The following ITPKB variants were observed in gnomAD, a reference collection of about 807,000 sequenced individuals.
The protein encoded by ITPKB is IP3 3-kinase B.
ITPKB carries 13 observed loss-of-function variants against 69.4 expected under a neutral mutation model. The ratio of observed to expected loss-of-function variants is 0.19; its 90% confidence interval spans 0.12 to 0.30. ITPKB has a LOEUF of 0.30. Ranked by LOEUF, ITPKB falls within the 10% of genes least tolerant of loss-of-function variation. The pLI, the probability that ITPKB is intolerant of heterozygous loss-of-function variation, is 1.00. For missense variants in ITPKB, 1,240 were observed against 1,250.5 expected, an observed-to-expected ratio of 0.99 and a Z score of 0.13; for synonymous variants, 584 against 513.7, an observed-to-expected ratio of 1.14 and a Z score of -1.85.
rs893126727 is a variant in ITPKB at position 226,682,155 on chromosome 1, T to G, written c.1933-33384A>C. 1.2e-4 allele frequency among the ~76,000 whole-genome samples: 19 copies of G among 152,148 alleles called. 1 individual carries two copies. Among genetic ancestry groups the G allele is most frequent in the Admixed American group, 8.5e-4 (13 of 15,282 alleles). On this transcript the variant is annotated intron_variant, in intron 2 of 7. Transcript: ENST00000429204. ...TCACCTGGGAGTTTTACAACCATTG[T>G]TGCCTGGGTCCCCCCCCGCCCCGAG...
At chr1:226,700,622 C>G (rs568298680) in intron 2 of ITPKB, among the ~76,000 whole-genome samples, 1 of 151,982 alleles carries the variant, frequency 6.6e-6, no homozygotes, top group Non-Finnish European at 1.5e-5. Flanking sequence ...CCACATAAAC[C>G]CAATGCCAAA....
rs537717016 is a variant in ITPKB, at chr1:226,633,396, T to A, written c.*1275A>T. On this transcript the variant is annotated 3_prime_UTR_variant, in exon 8 of 8. Transcript: ENST00000429204. ...AGCATGGGGCACAGAGCTGGGGGTT[T>A]TGTTCTTAAGAAGTCAGGCAAATTT... 6.6e-6 allele frequency: 1 copy of A among 152,344 alleles called. No homozygotes were observed. Among genetic ancestry groups the A allele is most frequent in the East Asian group, 1.9e-4 (1 of 5,180 alleles). 9.4% of individuals were successfully genotyped at this position (152,344 alleles called of 1,614,324 possible).
intron 2 of ITPKB, among the ~76,000 whole-genome samples, chr1:226,661,860 T>C (rs1669409134): frequency 6.6e-6 from 1 of 152,204 alleles, no homozygotes; most frequent in South Asian, 2.1e-4. Flanking sequence ...CAGTAGGGTC[T>C]GACCACCTCC....
Position 226,735,725 on chromosome 1 carries a change from C to T in ITPKB, c.1734G>A (p.Glu578=), listed in dbSNP as rs1244580045. ...CCTGCGTCTCCTCCAAGGCCCCATC[C>T]TCCTGGGTGCCCATGTCTGTAATGA... ...AVIITDMGTQ[E]DGALEETQGS... The change falls in exon 2 of 8, where the codon GAG becomes GAA. Residue 578 remains glutamate (E), a synonymous_variant. Transcript: ENST00000429204. 1.9e-6 allele frequency: 3 copies of T among 1,586,128 alleles called. No individual in the cohort carries two copies. Among genetic ancestry groups the T allele is most frequent in the African/African-American group, 2.7e-5 (2 of 74,188 alleles).
chr1:226,688,024 T>C (rs554899458), intron 2 of ITPKB, among the ~76,000 whole-genome samples: 2 of 152,268 alleles, frequency 1.3e-5, no homozygotes, highest in South Asian at 4.1e-4. Context: ...CCAATTGCCC[T>C]ACGTTTTCCT....
chr1:226,719,237 C>T (rs1039223910), intron 2 of ITPKB, among the ~76,000 whole-genome samples: 2 of 152,328 alleles, frequency 1.3e-5, no homozygotes, highest in African/African-American at 4.8e-5. Context: ...CAAGATCACA[C>T]CACTGCCCTC....
intron 2 of ITPKB, among the ~76,000 whole-genome samples, chr1:226,674,460 G>A (rs1669685475): frequency 6.6e-6 from 1 of 152,080 alleles, no homozygotes; most frequent in Non-Finnish European, 1.5e-5. Context: ...GCCTCCCATA[G>A]TGCTGGAATT....
chr1:226,644,661 T>C (rs916731037), intron 4 of ITPKB, among the ~76,000 whole-genome samples: 2 of 152,210 alleles, frequency 1.3e-5, no homozygotes, highest in Non-Finnish European at 2.9e-5. Context: ...ACATTCTCCT[T>C]AGTGCCACCC....
At chr1:226,690,739 C>T (rs1335141378) in intron 2 of ITPKB, among the ~76,000 whole-genome samples, 1 of 152,226 alleles carries the variant, frequency 6.6e-6, no homozygotes, top group East Asian at 1.9e-4. Flanking sequence ...ACCTCACAAG[C>T]AGGCAGGGAA....
At chr1:226,669,539 A>C (rs1013905222) in intron 2 of ITPKB, among the ~76,000 whole-genome samples, 1 of 152,256 alleles carries the variant, frequency 6.6e-6, no homozygotes, top group Admixed American at 6.5e-5. Flanking sequence ...CTCAACTGCC[A>C]GGCTAATGAA....
Position 226,738,718 on chromosome 1 carries a change from C to G in ITPKB, c.-206+323G>C, listed in dbSNP as rs1430853334. Among the ~76,000 whole-genome samples, 1 of 152,180 alleles carries G rather than the reference C, an allele frequency of 6.6e-6. No individual in the cohort carries two copies. The highest frequency in any genetic ancestry group is 2.1e-4 in the South Asian group (1 of 4,836). ...AGCGCCGCGGAGCGCAGGGCTTCTC[C>G]GCATCCCGGGCAGCCTCGCCCGGCG... On this transcript the variant is annotated intron_variant, in intron 1 of 7. Coordinates refer to ENST00000429204, the MANE Select transcript of ITPKB (RefSeq NM_002221.4). The surrounding 1 kb of genome is among the most constrained non-coding windows in gnomAD (Gnocchi z 4.2).
At chr1:226,676,867 C>T (rs1373375777) in intron 2 of ITPKB, among the ~76,000 whole-genome samples, 1 of 152,216 alleles carries the variant, frequency 6.6e-6, no homozygotes, top group Non-Finnish European at 1.5e-5. Flanking sequence ...AACTGCAGAT[C>T]GCTGTTCTTT....
At chr1:226,636,827 G>C (rs1396908120) in intron 7 of ITPKB, among the ~76,000 whole-genome samples, 1 of 151,662 alleles carries the variant, frequency 6.6e-6, no homozygotes, top group Admixed American at 6.6e-5. Context: ...TTGTGTATGA[G>C]TGGGTGTGCA....
chr1:226,648,563 T>C, intron 3 of ITPKB, 109 bp downstream of exon 3: 1 of 750,550 alleles, frequency 1.3e-6, no homozygotes, highest in Non-Finnish European at 2.4e-6. Context: ...GACTAGAAAG[T>C]CTTGGAGGGA....
chr1:226,707,481 G>A, intron 2 of ITPKB: 1 of 966,164 alleles, frequency 1.0e-6, no homozygotes, highest in Non-Finnish European at 1.2e-6. Context: ...ACAGATGTGA[G>A]CCACTGCGCC....
At chr1:226,636,560 C>T (rs756683203) in intron 7 of ITPKB, among the ~76,000 whole-genome samples, 5 of 152,228 alleles carry the variant, frequency 3.3e-5, no homozygotes, top group Non-Finnish European at 5.9e-5. Flanking sequence ...CTGCTGGCTC[C>T]GCAGCCTTCT....
chr1:226,686,399 A>G (rs765507023), intron 2 of ITPKB, among the ~76,000 whole-genome samples: 2 of 152,218 alleles, frequency 1.3e-5, no homozygotes, highest in African/African-American at 2.4e-5. Flanking sequence ...AGATACCATT[A>G]TTAGATTGGG....
chr1:226,718,915 C>A (rs1486021492), intron 2 of ITPKB, among the ~76,000 whole-genome samples: 1 of 152,214 alleles, frequency 6.6e-6, no homozygotes, highest in Non-Finnish European at 1.5e-5. Flanking sequence ...AATGTGTACA[C>A]GAATGTTCAC....
At chr1:226,716,361 T>G (rs961704319) in intron 2 of ITPKB, among the ~76,000 whole-genome samples, 3 of 152,226 alleles carry the variant, frequency 2.0e-5, no homozygotes, top group Non-Finnish European at 4.4e-5. Flanking sequence ...TCTAAAATCT[T>G]TTTCTTTATT....
Sources: gnomAD v4.1 joint callset for allele counts (sites outside exome capture counted in the v4.1 genomes callset) on GRCh38, gnomAD v4.1.1 for gene constraint, Gnocchi (gnomAD v3.1) non-coding constraint, MANE v1.5 for transcripts, NCBI Gene and HGNC (gene_info 2026-07-23, HGNC 2026-07-21) for gene names.